Variants in GBF1 observed in about 807,000 individuals in gnomAD.
The protein encoded by GBF1 is Golgi-specific brefeldin A-resistance guanine nucleotide exchange factor 1.
GBF1 carries 114 observed loss-of-function variants against 210.5 expected under a neutral mutation model. The ratio of observed to expected loss-of-function variants is 0.54; its 90% CI spans 0.47 to 0.63. GBF1 has a LOEUF of 0.63. Ranked by LOEUF, GBF1 falls within the 30% of genes least tolerant of loss-of-function variation. The pLI is 0.00. For synonymous variants in GBF1, 850 were observed against 889.2 expected (o/e 0.96, Z 0.78); for missense variants, 1,851 against 2,357.7 (o/e 0.79, Z 4.45).
At chr10:102,237,703 G>A in the GBF1 span, among the ~76,000 whole-genome samples, 1 of 152,084 alleles carries the variant, frequency 6.6e-6, no homozygotes, top group Non-Finnish European at 1.5e-5. Context: ...TGTTAAAAAT[G>A]CAAACAAATT....
At chr10:102,373,275 A>G (rs2060311427) in intron 29 of GBF1, among the ~76,000 whole-genome samples, 1 of 152,246 alleles carries the variant, frequency 6.6e-6, no homozygotes, top group Non-Finnish European at 1.5e-5. Context: ...ATCATTAACC[A>G]TCAGAGTACT....
Position 102,259,010 on chromosome 10 carries a change from C to G in GBF1, c.72C>G (p.Ala24=). ...TGGTTGGGGCCATCAAACGAAATGC[C>G]CGATGGAGCACCCATACACCACTGG... The part of the protein sequence containing the change: ...NIVVGAIKRN[A]RWSTHTPLDE... Residue 24 remains alanine (A), a synonymous_variant, in exon 2 of 40, where the codon GCC becomes GCG. Transcript: ENST00000369983. 2 of 1,590,186 alleles carry G rather than the reference C, an allele frequency of 1.3e-6. No homozygotes were observed. The highest frequency in any genetic ancestry group is 1.3e-5 in the African/African-American group (1 of 74,518).
intron 3 of GBF1, among the ~76,000 whole-genome samples, chr10:102,342,038 C>CTTT (rs762320060): frequency 7.2e-6 from 1 of 139,232 alleles, no homozygotes; most frequent in Non-Finnish European, 1.6e-5. Context: ...TTTTTATGTA[C>CTTT]TTTTTTTTTT....
chr10:102,349,864 G>A (rs1391428415), intron 4 of GBF1, among the ~76,000 whole-genome samples: 2 of 152,102 alleles, frequency 1.3e-5, no homozygotes, highest in South Asian at 2.1e-4. Context: ...CATTTCCAGC[G>A]TGGTGCCGGT....
chr10:102,247,054 A>G (rs2070927789), intron 1 of GBF1, among the ~76,000 whole-genome samples: 1 of 152,230 alleles, frequency 6.6e-6, no homozygotes, highest in Non-Finnish European at 1.5e-5. Context: ...TAGTTTCAGT[A>G]TGTGATCAGG....
intron 3 of GBF1, among the ~76,000 whole-genome samples, chr10:102,333,419 C>G (rs1322096987): frequency 2.6e-5 from 4 of 151,620 alleles, no homozygotes; most frequent in African/African-American, 9.7e-5. Flanking sequence ...CCAGAGGCTT[C>G]TGGCTTTGCC....
chr10:102,235,169 CCCACCCCCCA>C, the GBF1 span, among the ~76,000 whole-genome samples: 1 of 71,552 alleles, frequency 1.4e-5, no homozygotes, highest in African/African-American at 7.1e-5. Flanking sequence ...TTACCCTTCC[CCCACCCCCCA>C]CCCCCCCACC....
intron 37 of GBF1, 60 bp from the exon 38 acceptor site, chr10:102,380,446 C>G: frequency 1.3e-6 from 2 of 1,589,360 alleles, no homozygotes; most frequent in Middle Eastern, 1.7e-4. Context: ...AGCTACCTCC[C>G]TTTACCATAC....
At chr10:102,319,784 A>G (rs1163765769) in intron 3 of GBF1, among the ~76,000 whole-genome samples, 1 of 138,884 alleles carries the variant, frequency 7.2e-6, no homozygotes, top group Admixed American at 7.8e-5. Context: ...GCTGGAGTGC[A>G]GTGATGTGAT....
chr10:102,323,402 G>A (rs556883562), intron 3 of GBF1, among the ~76,000 whole-genome samples: 1 of 152,246 alleles, frequency 6.6e-6, no homozygotes, highest in South Asian at 2.1e-4. Flanking sequence ...TTGATTGGAG[G>A]AGGAACATGT....
chr10:102,327,149 G>C (rs1229938768), intron 3 of GBF1, among the ~76,000 whole-genome samples: 1 of 152,210 alleles, frequency 6.6e-6, no homozygotes, highest in African/African-American at 2.4e-5. Context: ...GCACCAAACA[G>C]GGAGGCTGGA....
chr10:102,268,759 T>C (rs1301959108), intron 3 of GBF1, among the ~76,000 whole-genome samples: 1 of 152,238 alleles, frequency 6.6e-6, no homozygotes, highest in African/African-American at 2.4e-5. Context: ...CCCCTCTGAC[T>C]ATCTCTCTAT....
intron 3 of GBF1, among the ~76,000 whole-genome samples, chr10:102,287,495 C>T (rs1468463596): frequency 6.6e-6 from 1 of 151,850 alleles, no homozygotes. Flanking sequence ...GTCTATTTCA[C>T]ACAATTTCTA....
chr10:102,303,278 A>G (rs1390525854), intron 3 of GBF1, among the ~76,000 whole-genome samples: 2 of 152,084 alleles, frequency 1.3e-5, no homozygotes, highest in Non-Finnish European at 2.9e-5. Flanking sequence ...GTGAGCCACC[A>G]TGACCAGCTT....
chr10:102,326,511 G>A (rs893272536), intron 3 of GBF1, among the ~76,000 whole-genome samples: 10 of 152,042 alleles, frequency 6.6e-5, no homozygotes, highest in Non-Finnish European at 1.3e-4. Flanking sequence ...GCCCCCATCT[G>A]GCTTTCCTTT....
intron 3 of GBF1, among the ~76,000 whole-genome samples, chr10:102,329,063 A>G (rs925781210): frequency 5.9e-5 from 9 of 152,214 alleles, no homozygotes; most frequent in African/African-American, 2.2e-4. Flanking sequence ...GCAGAAAACA[A>G]CAAGGCAGAG....
upstream of GBF1, among the ~76,000 whole-genome samples, chr10:102,242,998 T>C (rs1055650811): frequency 6.6e-6 from 1 of 151,378 alleles, no homozygotes; most frequent in Non-Finnish European, 1.5e-5. Context: ...TGAGCAGTCA[T>C]GTCTTGACTG....
intron 3 of GBF1, among the ~76,000 whole-genome samples, chr10:102,327,488 C>G (rs1321357586): frequency 6.6e-6 from 1 of 152,168 alleles, no homozygotes; most frequent in Non-Finnish European, 1.5e-5. Flanking sequence ...TAACTGGAAA[C>G]AACTCAAATA....
intron 3 of GBF1, among the ~76,000 whole-genome samples, chr10:102,296,811 A>C (rs1269336626): frequency 1.3e-5 from 2 of 152,080 alleles, no homozygotes; most frequent in African/African-American, 4.8e-5. Flanking sequence ...TTGGGCAGCC[A>C]AGGTGGGCGG....
Sources: allele counts gnomAD v4.1 joint callset (sites outside exome capture counted in the v4.1 genomes callset), GRCh38; gene constraint gnomAD v4.1.1; transcripts MANE v1.5; gene names NCBI Gene and HGNC (gene_info 2026-07-23, HGNC 2026-07-21).